The following PROP1 variants were observed in gnomAD, a reference collection of about 807,000 sequenced individuals.
The protein encoded by PROP1 is PROP paired-like homeobox 1, also known as homeobox protein prophet of Pit-1.
In PROP1, 12 loss-of-function variants were observed where a neutral mutation model predicts 22.3. The ratio of observed to expected loss-of-function variants is 0.54; its 90% CI spans 0.34 to 0.87. The LOEUF (loss-of-function observed/expected upper bound fraction) is 0.87, where lower values mean the gene tolerates loss of function less well. PROP1 is among the 40% of genes least tolerant of loss of function. The probability of loss-of-function intolerance (pLI) is 0.01; values close to 1 mark genes in which losing one functional copy is unlikely to be tolerated. For synonymous variants in PROP1, 112 were observed against 116.7 expected, an observed-to-expected ratio of 0.96 and a Z score of 0.26; for missense variants, 278 against 295.1, an observed-to-expected ratio of 0.94 and a Z score of 0.43.
chr5:177,992,838 G>T lies in PROP1; in HGVS notation c.552C>A (p.Ala184=). ...ALPSQPSTGG[A]FALSHQSEDW... ...CCTCAGACTGGTGTGACAAAGCAAA[G>T]GCGCCTCCTGTGGAGGGCTGGGAAG... The change falls in exon 3 of 3, where the codon GCC becomes GCA. Residue 184 remains alanine (A), a synonymous_variant. Transcript: ENST00000308304. 1 of 1,611,660 alleles carries T rather than the reference G, an allele frequency of 6.2e-7. No individual in the cohort carries two copies. Among genetic ancestry groups the T allele is most frequent in the Non-Finnish European group, 8.5e-7 (1 of 1,178,578 alleles).
Position 177,994,220 on chromosome 5 carries a change from G to A in PROP1, c.228C>T (p.Phe76=), listed in dbSNP as rs2113063885. The change falls in exon 2 of 3, where the codon TTC becomes TTT. Residue 76 remains phenylalanine (F), a synonymous_variant. Transcript: ENST00000308304. ...PHSRRRHRTT[F]SPVQLEQLES... ...CCAGCTGTTCCAACTGCACTGGGCT[G>A]AAGGTGGTGCGGTGGCGGCGCCGGG... 1 of 1,614,178 alleles carries A rather than the reference G, an allele frequency of 6.2e-7. No individual in the cohort carries two copies. The highest frequency in any genetic ancestry group is 8.5e-7 in the Non-Finnish European group (1 of 1,180,016).
In PROP1 at chr5:177,995,870, AC is replaced by A. The variant is rs780134343; in HGVS notation, c.63del (p.Leu22CysfsTer143). ...KPKKGRVGSN[L>X]LPERHPATGT... ...CCAGTGGCCGGGTGTCTCTCAGGCA[AC>A]AGGTTGCTGCCGACTCGCCCCTTCT... On this transcript the variant is annotated frameshift_variant, in exon 1 of 3. Transcript: ENST00000308304. LOFTEE classifies it high-confidence loss of function. The A allele has an allele frequency of 1.2e-6, 2 of 1,613,920 alleles. No individual in the cohort carries two copies. Among genetic ancestry groups the A allele is most frequent in the African/African-American group, 2.7e-5 (2 of 74,944 alleles).
At chr5:177,994,811 C>T (rs1755722859) in intron 1 of PROP1, among the ~76,000 whole-genome samples, 1 of 152,068 alleles carries the variant, frequency 6.6e-6, no homozygotes, top group Admixed American at 6.5e-5. Flanking sequence ...CCCCTGGTTG[C>T]CTCTGAGTCT....
chr5:177,992,387 C>A lies in PROP1; in HGVS notation c.*322G>T. The A allele has an allele frequency of 2.8e-6, 1 of 363,400 alleles. No homozygotes were observed. The highest frequency in any genetic ancestry group is 4.4e-5 in the East Asian group (1 of 22,596). The allele number at this position is 363,400 out of a possible 1,614,324, so 22.5% of individuals were successfully genotyped here. A position where few individuals can be genotyped will look rare whatever the true frequency, so the allele number is the denominator to read the frequency against. ...AGCTGGGATCTTCTTCAATCGTGAT[C>A]TCAATTAATGAAGGCCCTCACCTCC... On this transcript the variant is annotated 3_prime_UTR_variant, in exon 3 of 3. Transcript: ENST00000308304.
rs749868829 is a variant in PROP1, at chr5:177,994,239, C to T, written c.209G>A (p.Arg70His). The T allele has an allele frequency of 8.7e-6, 14 of 1,613,922 alleles. No homozygotes were observed. Among genetic ancestry groups the T allele is most frequent in the African/African-American group, 5.3e-5 (4 of 74,908 alleles). Residue 70 changes from arginine (R) to histidine (H), a missense_variant, in exon 2 of 3, where the codon CGC (arginine) becomes CAC (histidine). Arg to His is a conservative substitution (Grantham distance 29, BLOSUM62 0). Coordinates refer to ENST00000308304, the MANE Select transcript of PROP1 (RefSeq NM_006261.5). ...TGGGCTGAAGGTGGTGCGGTGGCGG[C>T]GCCGGGAGTGCGGGCGGCCCCTCTG... ...GGQRGRPHSRRRHRTTFSPVQ... is the reference protein window; with the variant it reads ...GGQRGRPHSRHRHRTTFSPVQ...
At position 177,996,136 on chromosome 5, in the gene PROP1, T is replaced by C. The variant is rs999004238; in HGVS notation, c.-203A>G. 3.9e-5 allele frequency: 24 copies of C among 610,224 alleles called. No homozygotes were observed. In the African/African-American group the frequency reaches 4.4e-4, roughly 11 times the overall value. The allele number at this position is 610,224 out of a possible 1,614,324, so 37.8% of individuals were successfully genotyped here. A position where few individuals can be genotyped will look rare whatever the true frequency, so the allele number is the denominator to read the frequency against. On this transcript the variant is annotated 5_prime_UTR_variant, in exon 1 of 3. Transcript: ENST00000308304. ...ACTTTTTTTCTAATTGTTTCCTAAT[T>C]CCCCCTTCCTTGGCTTGAGTGTCAG...
In PROP1 at chr5:177,995,919, C is replaced by T. The variant is rs1235170177; in HGVS notation, c.15G>A (p.Arg5=). MEAE[R]RRQAEKPKKG... ...TCTTTGGCTTCTCAGCCTGGCGCCT[C>T]CTTTCTGCTTCCATGGCTCGCCACG... Residue 5 remains arginine (R), a synonymous_variant, in exon 1 of 3, where the codon AGG becomes AGA. Coordinates refer to ENST00000308304, the MANE Select transcript of PROP1 (RefSeq NM_006261.5). The T allele has an allele frequency of 6.2e-7, 1 of 1,613,822 alleles. No individual in the cohort carries two copies. Among genetic ancestry groups the T allele is most frequent in the Admixed American group, 1.7e-5 (1 of 60,026 alleles).
chr5:177,995,454 G>C lies in PROP1; in HGVS notation c.109+371C>G, dbSNP rs866733586. On this transcript the variant is annotated intron_variant, in intron 1 of 2. Coordinates refer to ENST00000308304, the MANE Select transcript of PROP1 (RefSeq NM_006261.5). The stretch of plus-strand genomic sequence containing the variant: ...CCTAGAGCTCACTGTCCACCATGGG[G>C]GACACACACACGGAGCCCGCCCTCC... Among the ~76,000 whole-genome samples, 4 of 152,056 alleles carry C rather than the reference G, an allele frequency of 2.6e-5. No homozygotes were observed. In the East Asian group the frequency reaches 7.8e-4, roughly 30 times the overall value.
In PROP1 at chr5:177,996,053, C is replaced by T; in HGVS notation, c.-120G>A. On this transcript the variant is annotated 5_prime_UTR_variant, in exon 1 of 3. Coordinates refer to ENST00000308304, the MANE Select transcript of PROP1 (RefSeq NM_006261.5). ...TCTGTGTATGCCACCCTCTGGGACTCTGTCTCTGAATGTGTGTGTAGGTGC... is the reference window on the plus strand; with the variant it reads ...TCTGTGTATGCCACCCTCTGGGACTTTGTCTCTGAATGTGTGTGTAGGTGC... 1 of 834,978 alleles carries T rather than the reference C, an allele frequency of 1.2e-6. No homozygotes were observed. The highest frequency in any genetic ancestry group is 1.4e-5 in the South Asian group (1 of 70,614). 51.7% of individuals were successfully genotyped at this position (834,978 alleles called of 1,614,324 possible).
rs767223043 is a variant in PROP1, at chr5:177,992,918, C to G, written c.472G>C (p.Ala158Pro). The G allele has an allele frequency of 1.9e-6, 3 of 1,613,548 alleles. No homozygotes were observed. The highest frequency in any genetic ancestry group is 2.5e-6 in the Non-Finnish European group (3 of 1,179,870). ...CAGGTCACTGGTGGTGGTGGTGCTG[C>G]GTAAGAATAGGGGCAAGCAGTGGAC... ...PESTACPYSY[A>P]APPPPVTCFP... Residue 158 changes from alanine to proline, a missense_variant, in exon 3 of 3, where the codon GCA (alanine) becomes CCA (proline). Transcript: ENST00000308304.
chr5:177,994,679 G>T (rs1397489598), intron 1 of PROP1, among the ~76,000 whole-genome samples: 1 of 152,060 alleles, frequency 6.6e-6, no homozygotes, highest in Non-Finnish European at 1.5e-5. Flanking sequence ...GCCTCAAGCA[G>T]TCCTCCCATG....
intron 2 of PROP1, 93 bp from the exon 3 acceptor site, chr5:177,993,140 G>A: frequency 2.7e-6 from 3 of 1,112,134 alleles, no homozygotes; most frequent in South Asian, 1.3e-5. Context: ...CAGGGAGCAG[G>A]CTTCTCCAGC....
rs4610479 is a variant in PROP1 at position 177,995,535 on chromosome 5, G to T, written c.109+290C>A. The stretch of plus-strand genomic sequence containing the variant: ...GCTCCCTTCATCAGAGAAGGCAGTG[G>T]CTTGGGCTAACCAACTCTGAGGTCA... On this transcript the variant is annotated intron_variant, in intron 1 of 2. Transcript: ENST00000308304. Among the ~76,000 whole-genome samples, 535 of 150,724 alleles carry T rather than the reference G, an allele frequency of 3.5e-3. 5 individuals are homozygous for T. The highest frequency in any genetic ancestry group is 5.3e-3 in the Non-Finnish European group (356 of 67,676).
In PROP1 at chr5:177,996,091, C is replaced by G; in HGVS notation, c.-158G>C. On this transcript the variant is annotated 5_prime_UTR_variant, in exon 1 of 3. Coordinates refer to ENST00000308304, the MANE Select transcript of PROP1 (RefSeq NM_006261.5). ...TGTGTGTAGGTGCAGGCAGCTGTCT[C>G]TGACTTTTTCACTGTCTTTACTTTT... 1.5e-6 allele frequency: 1 copy of G among 678,266 alleles called. No individual in the cohort carries two copies. The highest frequency in any genetic ancestry group is 2.6e-6 in the Non-Finnish European group (1 of 380,290). The allele number at this position is 678,266 out of a possible 1,614,324, so 42.0% of individuals were successfully genotyped here.
chr5:177,994,093 C>A lies in PROP1; in HGVS notation c.342+13G>T. The stretch of plus-strand genomic sequence containing the variant: ...CATTTCTTTCCTGAGAGAGGAGGAT[C>A]CTGGAGCATCACCTGGATTCGGGCC... On this transcript the variant is annotated intron_variant, in intron 2 of 2. Coordinates refer to ENST00000308304, the MANE Select transcript of PROP1 (RefSeq NM_006261.5). 2 of 1,612,866 alleles carry A rather than the reference C, an allele frequency of 1.2e-6. No homozygotes were observed. The highest frequency in any genetic ancestry group is 2.2e-5 in the South Asian group (2 of 91,062).
chr5:177,995,991 G>C lies in PROP1; in HGVS notation c.-58C>G. 2 of 1,467,254 alleles carry C rather than the reference G, an allele frequency of 1.4e-6. No individual in the cohort carries two copies. Among genetic ancestry groups the C allele is most frequent in the Non-Finnish European group, 1.9e-6 (2 of 1,053,498 alleles). 90.9% of individuals were successfully genotyped at this position (1,467,254 alleles called of 1,614,324 possible). A position where few individuals can be genotyped will look rare whatever the true frequency, so the allele number is the denominator to read the frequency against. On this transcript the variant is annotated 5_prime_UTR_variant, in exon 1 of 3. Coordinates refer to ENST00000308304, the MANE Select transcript of PROP1 (RefSeq NM_006261.5). ...TCTGACTTGAGATTTCTCTGCTTCC[G>C]CAGCTCCTCTCCACACCTGTTCCCT...
At chr5:177,993,605 A>G (rs1772703501) in intron 2 of PROP1, among the ~76,000 whole-genome samples, 1 of 150,896 alleles carries the variant, frequency 6.6e-6, no homozygotes, top group Non-Finnish European at 1.5e-5. Flanking sequence ...CTTGTTGCCC[A>G]GGCTGGAGTG....
In PROP1 at chr5:177,994,179, C is replaced by T; in HGVS notation, c.269G>A (p.Arg90Lys). ...QLEQLESAFG[R>K]NQYPDIWARE... ...GGCCCAGATGTCGGGGTACTGGTTC[C>T]TCCCAAAGGCTGACTCCAGCTGTTC... The change falls in exon 2 of 3, where the codon AGG becomes AAG. Residue 90 changes from arginine (R) to lysine (K), a missense_variant. Transcript: ENST00000308304. 19 of 1,614,184 alleles carry T rather than the reference C, an allele frequency of 1.2e-5. No homozygotes were observed. The highest frequency in any genetic ancestry group is 1.6e-5 in the Non-Finnish European group (19 of 1,180,034).
rs994363776 is a variant in PROP1, at chr5:177,996,005, C to T, written c.-72G>A. 3 of 1,313,672 alleles carry T rather than the reference C, an allele frequency of 2.3e-6. No individual in the cohort carries two copies. The African/African-American group carries it at 4.3e-5, about 19-fold the overall frequency. 81.4% of individuals were successfully genotyped at this position (1,313,672 alleles called of 1,614,324 possible). ...TCTCTGCTTCCGCAGCTCCTCTCCA[C>T]ACCTGTTCCCTCCCCTTCTCCCTCT... On this transcript the variant is annotated 5_prime_UTR_variant, in exon 1 of 3. In the 5' UTR this introduces an upstream ATG that the reference lacks. Transcript: ENST00000308304.
Sources: gnomAD v4.1 joint callset for allele counts (sites outside exome capture counted in the v4.1 genomes callset) on GRCh38, gnomAD v4.1.1 for gene constraint, MANE v1.5 for transcripts, NCBI Gene and HGNC (gene_info 2026-07-23, HGNC 2026-07-21) for gene names.